Variants in DENND1A observed in about 807,000 individuals in gnomAD.
DENND1A encodes DENN domain containing 1A.
In DENND1A, 51 loss-of-function variants were observed where a neutral mutation model predicts 113.7. The observed-to-expected ratio is 0.45, with a 90% CI of 0.36 to 0.57. The LOEUF (loss-of-function observed/expected upper bound fraction) is 0.57. Ranked by LOEUF, DENND1A falls within the 20% of genes least tolerant of loss-of-function variation. The pLI is 0.00. For synonymous variants in DENND1A, 565 were observed against 570.8 expected (o/e 0.99, Z 0.14); for missense variants, 1,258 against 1,395.9 (o/e 0.90, Z 1.57).
intron 10 of DENND1A, among the ~76,000 whole-genome samples, chr9:123,618,489 T>A (rs2060770116): frequency 6.6e-6 from 1 of 151,902 alleles, no homozygotes; most frequent in Non-Finnish European, 1.5e-5. Flanking sequence ...CAACGTTGCA[T>A]GGAGGCCAGC....
At chr9:123,414,502 G>T (rs1056142038) in intron 19 of DENND1A, 1 of 1,545,360 alleles carries the variant, frequency 6.5e-7, no homozygotes, top group Non-Finnish European at 8.7e-7. Flanking sequence ...GAGACGCATT[G>T]TGTGAAGGGA....
At chr9:123,796,063 C>T (rs1003734416) in intron 2 of DENND1A, among the ~76,000 whole-genome samples, 2 of 152,184 alleles carry the variant, frequency 1.3e-5, no homozygotes, top group African/African-American at 2.4e-5. Context: ...ATGTCATCAA[C>T]TCCCAGGAAA....
intron 19 of DENND1A, chr9:123,413,267 G>T: frequency 5.3e-6 from 2 of 376,356 alleles, no homozygotes; most frequent in Non-Finnish European, 7.3e-6. Context: ...AGACGCCTCA[G>T]TAATAATTTT....
chr9:123,819,226 A>C (rs180947969), intron 2 of DENND1A, among the ~76,000 whole-genome samples: 2 of 152,330 alleles, frequency 1.3e-5, no homozygotes, highest in East Asian at 3.9e-4. Flanking sequence ...TTTTCTTAAC[A>C]TTACACACCA....
chr9:123,457,675 C>CTGAG, intron 14 of DENND1A, 118 bp downstream of exon 14: 3 of 987,172 alleles, frequency 3.0e-6, no homozygotes, highest in Non-Finnish European at 4.5e-6. Context: ...TCCCCTGAGC[C>CTGAG]TCTTTTGCCT....
intron 13 of DENND1A, among the ~76,000 whole-genome samples, chr9:123,502,485 G>A (rs2052574763): frequency 6.6e-6 from 1 of 152,090 alleles, no homozygotes. Flanking sequence ...CATTTTCTTT[G>A]GAGAAATATC....
rs1428228455 is a variant in DENND1A at position 123,583,150 on chromosome 9, T to C, written c.867+19A>G. On this transcript the variant is annotated intron_variant, in intron 12 of 23. Coordinates refer to ENST00000394215, the MANE Select transcript of DENND1A (RefSeq NM_001352964.2). ...GCAGGAGCTCACAGAAGTGAGATCC[T>C]CGCAAGCTCATTACCTACCACGTCG... is the stretch of plus-strand genomic sequence containing the variant. 6.3e-7 allele frequency: 1 copy of C among 1,580,482 alleles called. No individual in the cohort carries two copies. The highest frequency in any genetic ancestry group is 2.3e-5 in the East Asian group (1 of 44,138).
intron 21 of DENND1A, 51 bp downstream of exon 21, chr9:123,403,351 C>A: frequency 6.3e-7 from 1 of 1,594,950 alleles, no homozygotes; most frequent in Non-Finnish European, 8.6e-7. Flanking sequence ...AAAGTGCTGG[C>A]TCCGCAGACA....
At chr9:123,429,238 C>G (rs1460338017) in intron 19 of DENND1A, among the ~76,000 whole-genome samples, 5 of 152,060 alleles carry the variant, frequency 3.3e-5, no homozygotes, top group Non-Finnish European at 7.4e-5. Flanking sequence ...AACTGCACAC[C>G]TACAACCATC....
intron 5 of DENND1A, among the ~76,000 whole-genome samples, chr9:123,693,527 T>C (rs568369304): frequency 7.9e-5 from 12 of 152,166 alleles, no homozygotes; most frequent in Non-Finnish European, 1.3e-4. Context: ...CGCTTTTTTT[T>C]TCAGAACATC....
chr9:123,576,233 C>A (rs1157812976), intron 12 of DENND1A, among the ~76,000 whole-genome samples: 5 of 152,162 alleles, frequency 3.3e-5, no homozygotes, highest in African/African-American at 1.2e-4. Flanking sequence ...TACTTCTATT[C>A]TCCACCCCCT....
intron 5 of DENND1A, among the ~76,000 whole-genome samples, chr9:123,677,427 TTTTG>T (rs375265120): frequency 1.5e-4 from 23 of 152,040 alleles, no homozygotes; most frequent in South Asian, 6.2e-4. Context: ...GTGGCTTGTT[TTTTG>T]TTTGTTTGTT....
chr9:123,516,884 C>CAAAAAAAAAAAAAAAAAAAAAAA (rs546001517), intron 13 of DENND1A, among the ~76,000 whole-genome samples: 16 of 93,394 alleles, frequency 1.7e-4, no homozygotes, highest in East Asian at 2.7e-4. Context: ...GACTCTGTCT[C>CAAAAAAAAAAAAAAAAAAAAAAA]AAAAAAAAAA....
chr9:123,834,170 G>T (rs1036041959), intron 2 of DENND1A, among the ~76,000 whole-genome samples: 19 of 152,090 alleles, frequency 1.2e-4, no homozygotes, highest in African/African-American at 4.3e-4. Flanking sequence ...TGATACCTTT[G>T]CCAAAAGAAA....
chr9:123,868,656 T>C (rs1846112070), intron 2 of DENND1A, among the ~76,000 whole-genome samples: 1 of 152,210 alleles, frequency 6.6e-6, no homozygotes, highest in African/African-American at 2.4e-5. Flanking sequence ...GCCTGAGGCC[T>C]AATACTGTGA....
Position 123,630,365 on chromosome 9 carries a change from A to G in DENND1A, c.719+11T>C. 6.3e-7 allele frequency: 1 copy of G among 1,582,540 alleles called. No individual in the cohort carries two copies. The highest frequency in any genetic ancestry group is 8.6e-7 in the Non-Finnish European group (1 of 1,160,934). On this transcript the variant is annotated intron_variant, in intron 10 of 23. Transcript: ENST00000394215. ...CAAAGGAGAAGCAGAGGACAGGGCCAGCCACCTTACCAGCAGTAGTCCAGC... is the reference window on the plus strand; with the variant it reads ...CAAAGGAGAAGCAGAGGACAGGGCCGGCCACCTTACCAGCAGTAGTCCAGC...
At chr9:123,928,225 T>C (rs565067289) in intron 1 of DENND1A, among the ~76,000 whole-genome samples, 1 of 152,238 alleles carries the variant, frequency 6.6e-6, no homozygotes, top group Non-Finnish European at 1.5e-5. Flanking sequence ...ACAGAGAGAT[T>C]TGATGGCTAG....
At chr9:123,906,181 C>T (rs373329812) in intron 1 of DENND1A, among the ~76,000 whole-genome samples, 152 of 140,868 alleles carry the variant, frequency 1.1e-3, no homozygotes, top group Middle Eastern at 3.8e-3. Flanking sequence ...CACAACATAC[C>T]AGAATCTCTG....
At chr9:123,501,454 C>T (rs151096153) in intron 13 of DENND1A, among the ~76,000 whole-genome samples, 1 of 152,312 alleles carries the variant, frequency 6.6e-6, no homozygotes, top group African/African-American at 2.4e-5. Context: ...ACCCTCCTTG[C>T]TTTCAATTCC....
Sources: gnomAD v4.1 joint callset for allele counts (sites outside exome capture counted in the v4.1 genomes callset) on GRCh38, gnomAD v4.1.1 for gene constraint, MANE v1.5 for transcripts, NCBI Gene and HGNC (gene_info 2026-07-23, HGNC 2026-07-21) for gene names.